The following TAB2 variants were observed in gnomAD, a reference collection of about 807,000 sequenced individuals.
TAB2 encodes TGF-beta activated kinase 1 (MAP3K7) binding protein 2.
Under a neutral mutation model 65.0 loss-of-function variants are expected in TAB2, and 3 were observed. The ratio of observed to expected loss-of-function variants is 0.05; its 90% CI spans 0.02 to 0.12. The LOEUF (loss-of-function observed/expected upper bound fraction) is 0.12, where lower values mean the gene tolerates loss of function less well. TAB2 is among the 10% of genes least tolerant of loss of function. TAB2 has a pLI of 1.00. For missense variants in TAB2, 623 were observed against 840.3 expected, an observed-to-expected ratio of 0.74 and a Z score of 3.20; for synonymous variants, 298 against 285.1, an observed-to-expected ratio of 1.05 and a Z score of -0.46.
intron 1 of TAB2, among the ~76,000 whole-genome samples, chr6:149,329,789 C>T (rs1272590616): frequency 6.6e-6 from 1 of 151,960 alleles, no homozygotes; most frequent in African/African-American, 2.4e-5. Context: ...TAGGAAGTCA[C>T]CAAAGGGCTT....
At chr6:149,321,149 C>T (rs1779443532) in intron 1 of TAB2, 1 of 152,160 alleles carries the variant, frequency 6.6e-6, no homozygotes, top group African/African-American at 2.4e-5. Context: ...GAGATTGTCT[C>T]TGAACCTTTT....
intron 1 of TAB2, among the ~76,000 whole-genome samples, chr6:149,275,005 C>T (rs1215193548): frequency 1.3e-5 from 2 of 152,056 alleles, no homozygotes; most frequent in Admixed American, 1.3e-4. Flanking sequence ...TCTGGCTTCT[C>T]TCTCCACCCC....
intron 1 of TAB2, among the ~76,000 whole-genome samples, chr6:149,261,276 A>C (rs1778147308): frequency 6.6e-6 from 1 of 152,238 alleles, no homozygotes; most frequent in African/African-American, 2.4e-5. Context: ...GAAAATGAAG[A>C]GGCATGTAAA....
At chr6:149,263,561 G>A (rs1159256425) in intron 1 of TAB2, among the ~76,000 whole-genome samples, 3 of 152,214 alleles carry the variant, frequency 2.0e-5, no homozygotes, top group African/African-American at 7.2e-5. Context: ...CAAGGAAGAA[G>A]TGCCATGTTA....
intron 3 of TAB2, among the ~76,000 whole-genome samples, chr6:149,397,169 C>G (rs1222670922): frequency 6.6e-6 from 1 of 152,168 alleles, no homozygotes; most frequent in Non-Finnish European, 1.5e-5. Context: ...TGGCCAGGCA[C>G]AGTGGCACAA....
chr6:149,348,105 A>G (rs1396356904), intron 1 of TAB2, among the ~76,000 whole-genome samples: 1 of 152,194 alleles, frequency 6.6e-6, no homozygotes, highest in Non-Finnish European at 1.5e-5. Flanking sequence ...TAGTAATAAG[A>G]ATGTGGGCCA....
intron 1 of TAB2, among the ~76,000 whole-genome samples, chr6:149,284,209 C>A (rs1248677694): frequency 6.6e-6 from 1 of 152,158 alleles, no homozygotes; most frequent in Non-Finnish European, 1.5e-5. Context: ...CTTTGTGCTG[C>A]AGCAACACCA....
At chr6:149,243,440 G>C (rs948010158) in intron 1 of TAB2, 6 of 152,204 alleles carry the variant, frequency 3.9e-5, no homozygotes, top group African/African-American at 1.4e-4. Context: ...AATGTTGAAG[G>C]AGACATCATG....
In TAB2 at chr6:149,378,197, A is replaced by G. The variant is rs13215304; in HGVS notation, c.282A>G (p.Gly94=). The change falls in exon 3 of 7, where the codon GGA becomes GGG. Residue 94 remains glycine, a synonymous_variant. Transcript: ENST00000637181. ...ACATTTACCACCATGGAAGAGAAGG[A>G]AGTAGGATGAATGGAAGTAGGACTC... ...SQNIYHHGRE[G]SRMNGSRTLT... The G allele has an allele frequency of 0.028, 45,615 of 1,614,160 alleles. 775 individuals are homozygous for G. Among genetic ancestry groups the G allele is most frequent in the Non-Finnish European group, 0.034 (39,781 of 1,179,998 alleles).
intron 1 of TAB2, among the ~76,000 whole-genome samples, chr6:149,312,231 T>G (rs1040316684): frequency 6.6e-6 from 1 of 152,230 alleles, no homozygotes; most frequent in Non-Finnish European, 1.5e-5. Flanking sequence ...CCACATTTTG[T>G]GCACATAAGA....
At chr6:149,232,888 C>G (rs562320510) in intron 1 of TAB2, among the ~76,000 whole-genome samples, 1 of 152,172 alleles carries the variant, frequency 6.6e-6, no homozygotes, top group Admixed American at 6.5e-5. Flanking sequence ...GGAATGCTGT[C>G]GTACCCCTGG....
At chr6:149,317,417 A>AGCCGCCGCCGCC (rs5880831), upstream of TAB2, 1 of 168,538 alleles carries the variant, frequency 5.9e-6, no homozygotes, top group African/African-American at 2.4e-5. The surrounding 1 kb of genome is among the most constrained non-coding windows in gnomAD (Gnocchi z 4.7). Flanking sequence ...CCGCAGCCGC[A>AGCCGCCGCCGCC]GCCGCCGCCG....
chr6:149,229,994 G>A (rs966583464), intron 1 of TAB2: 2 of 152,186 alleles, frequency 1.3e-5, no homozygotes, highest in East Asian at 3.8e-4. Context: ...TCCCAGAAGT[G>A]GGTAAGAAGT....
At chr6:149,277,542 T>C (rs145228618) in intron 1 of TAB2, among the ~76,000 whole-genome samples, 1,650 of 152,170 alleles carry the variant, frequency 0.011, 7 homozygotes, top group Non-Finnish European at 0.017. Flanking sequence ...TGATTACCAA[T>C]TGGGGATGAG....
chr6:149,254,952 C>T (rs1029615434), intron 1 of TAB2, among the ~76,000 whole-genome samples: 5 of 152,134 alleles, frequency 3.3e-5, no homozygotes, highest in African/African-American at 1.2e-4. Flanking sequence ...GACTTTAGAC[C>T]TTAAAGTTGT....
chr6:149,337,917 G>T (rs777059931), intron 1 of TAB2, among the ~76,000 whole-genome samples: 2 of 152,110 alleles, frequency 1.3e-5, no homozygotes, highest in Admixed American at 6.6e-5. Flanking sequence ...AAAAATAATA[G>T]AACTTGGTGG....
At chr6:149,398,125 G>T in intron 5 of TAB2, 63 bp downstream of exon 5, 1 of 1,357,332 alleles carries the variant, frequency 7.4e-7, no homozygotes, top group South Asian at 1.2e-5. Context: ...GTTTTTCTGT[G>T]GCTAAAAACA....
intron 1 of TAB2, among the ~76,000 whole-genome samples, chr6:149,357,997 G>A (rs751505758): frequency 3.3e-5 from 5 of 152,142 alleles, no homozygotes; most frequent in East Asian, 1.9e-4. Flanking sequence ...CATCACGCCC[G>A]GCCTTTTCAT....
intron 1 of TAB2, among the ~76,000 whole-genome samples, chr6:149,339,252 A>G (rs1780026769): frequency 1.3e-5 from 2 of 152,100 alleles, no homozygotes; most frequent in African/African-American, 4.8e-5. Flanking sequence ...AGTCCCAGCT[A>G]CTTGGGAGGC....
Sources: gnomAD v4.1 joint callset for allele counts (sites outside exome capture counted in the v4.1 genomes callset) on GRCh38, gnomAD v4.1.1 for gene constraint, Gnocchi (gnomAD v3.1) non-coding constraint, MANE v1.5 for transcripts, NCBI Gene and HGNC (gene_info 2026-07-23, HGNC 2026-07-21) for gene names.